Variants in ZSWIM6 observed in about 807,000 individuals in gnomAD.
The protein encoded by ZSWIM6 is zinc finger SWIM domain-containing protein 6.
ZSWIM6 carries 9 observed loss-of-function variants against 113.2 expected under a neutral mutation model. That is an observed-to-expected ratio of 0.08 (90% CI 0.05 to 0.14). The LOEUF is 0.14. Among genes scored for constraint, ZSWIM6 ranks in the 10% least tolerant of loss-of-function variants. The pLI is 1.00. For synonymous variants in ZSWIM6, 611 were observed against 606.5 expected (o/e 1.01, Z -0.11); for missense variants, 1,162 against 1,552.2 (o/e 0.75, Z 4.22).
chr5:61,527,820 T>C (rs1245414484), intron 7 of ZSWIM6, among the ~76,000 whole-genome samples: 1 of 152,206 alleles, frequency 6.6e-6, no homozygotes, highest in Non-Finnish European at 1.5e-5. Context: ...TGTTGACTTT[T>C]AAAATTTGTT....
chr5:61,535,463 G>A (rs1478659026), intron 9 of ZSWIM6, 21 bp from the exon 10 acceptor site: 2 of 1,550,622 alleles, frequency 1.3e-6, no homozygotes, highest in South Asian at 1.2e-5. Context: ...AACGTAAAAT[G>A]TGTATGCTCT....
In ZSWIM6 at chr5:61,516,245, CCT is replaced by C. The variant is rs920351942; in HGVS notation, c.1334-5011_1334-5010del. On this transcript the variant is annotated intron_variant, in intron 4 of 13. Coordinates refer to ENST00000252744, the MANE Select transcript of ZSWIM6 (RefSeq NM_020928.2). ...CCCCTCTGTTTCCATTCATCTCTTC[CCT>C]CTCTCTTTCTTTCTTTTGGATTATT... Among the ~76,000 whole-genome samples, 39 of 147,554 alleles carry C rather than the reference CCT, an allele frequency of 2.6e-4. 1 individual carries two copies. The highest frequency in any genetic ancestry group is 9.7e-4 in the African/African-American group (39 of 40,360).
At chr5:61,531,253 A>T (rs1749420947) in intron 8 of ZSWIM6, among the ~76,000 whole-genome samples, 1 of 152,196 alleles carries the variant, frequency 6.6e-6, no homozygotes, top group Non-Finnish European at 1.5e-5. Flanking sequence ...TTGTAATGTT[A>T]TATCCCCCAA....
chr5:61,523,469 TAGA>T (rs772096276), intron 5 of ZSWIM6, among the ~76,000 whole-genome samples: 8 of 152,086 alleles, frequency 5.3e-5, no homozygotes, highest in East Asian at 3.9e-4. Context: ...ATTTTTTTAG[TAGA>T]AGAACAAAAA....
intron 1 of ZSWIM6, among the ~76,000 whole-genome samples, chr5:61,422,878 G>A (rs1036370382): frequency 1.3e-5 from 2 of 152,050 alleles, no homozygotes; most frequent in Admixed American, 6.5e-5. Context: ...ATATAAAAAT[G>A]CTACTGATTT....
intron 1 of ZSWIM6, among the ~76,000 whole-genome samples, chr5:61,346,917 G>A (rs1438098063): frequency 6.6e-6 from 1 of 152,104 alleles, no homozygotes; most frequent in Non-Finnish European, 1.5e-5. Context: ...TTGTAGCAAA[G>A]TACTTTTATT....
intron 1 of ZSWIM6, among the ~76,000 whole-genome samples, chr5:61,441,831 T>C (rs1200488211): frequency 6.6e-6 from 1 of 152,196 alleles, no homozygotes; most frequent in East Asian, 1.9e-4. Context: ...CAGAGTCCGA[T>C]GAACTGCCAC....
chr5:61,390,661 C>G, intron 1 of ZSWIM6: 2 of 823,952 alleles, frequency 2.4e-6, no homozygotes, highest in Non-Finnish European at 4.2e-6. Flanking sequence ...AAAAACTGTT[C>G]CTGGCATTAA....
At chr5:61,383,084 GAC>G (rs1444874103) in intron 1 of ZSWIM6, among the ~76,000 whole-genome samples, 1 of 152,162 alleles carries the variant, frequency 6.6e-6, no homozygotes, top group African/African-American at 2.4e-5. Flanking sequence ...AAAAAGTCTG[GAC>G]ACACAGGGAA....
intron 1 of ZSWIM6, among the ~76,000 whole-genome samples, chr5:61,436,850 A>G (rs1746718612): frequency 6.6e-6 from 1 of 152,204 alleles, no homozygotes; most frequent in Admixed American, 6.5e-5. Flanking sequence ...CTGTCTTTCC[A>G]GGTTATAATG....
chr5:61,463,627 C>G (rs1747363198), intron 1 of ZSWIM6, among the ~76,000 whole-genome samples: 1 of 152,162 alleles, frequency 6.6e-6, no homozygotes, highest in Non-Finnish European at 1.5e-5. Context: ...TCTGGAGTAC[C>G]TCCTCCAAGA....
intron 2 of ZSWIM6, among the ~76,000 whole-genome samples, chr5:61,487,653 T>C (rs1748057067): frequency 6.6e-6 from 1 of 151,934 alleles, no homozygotes; most frequent in East Asian, 1.9e-4. Flanking sequence ...TTTTGGTACT[T>C]ACCGTAAGTA....
At chr5:61,334,529 T>C (rs1243421870) in intron 1 of ZSWIM6, among the ~76,000 whole-genome samples, 1 of 152,206 alleles carries the variant, frequency 6.6e-6, no homozygotes, top group Non-Finnish European at 1.5e-5. Context: ...GGTGGGGGTC[T>C]GGATAGGGTC....
chr5:61,480,016 G>A (rs1045078918), intron 2 of ZSWIM6, among the ~76,000 whole-genome samples: 1 of 152,064 alleles, frequency 6.6e-6, no homozygotes, highest in African/African-American at 2.4e-5. Context: ...GTTGGATTAT[G>A]TAATAGTAAG....
chr5:61,415,890 C>CA (rs1746242261), intron 1 of ZSWIM6, among the ~76,000 whole-genome samples: 1 of 151,930 alleles, frequency 6.6e-6, no homozygotes, highest in Admixed American at 6.6e-5. Context: ...ATGTTAAGGA[C>CA]AAAAAAGACT....
intron 4 of ZSWIM6, among the ~76,000 whole-genome samples, chr5:61,506,311 T>TG (rs1388028683): frequency 1.3e-5 from 2 of 152,062 alleles, no homozygotes; most frequent in African/African-American, 4.8e-5. Flanking sequence ...AGGCCAGGTG[T>TG]GGTGGCTCAC....
At chr5:61,455,638 G>A (rs1056695331) in intron 1 of ZSWIM6, among the ~76,000 whole-genome samples, 2 of 152,190 alleles carry the variant, frequency 1.3e-5, no homozygotes, top group Non-Finnish European at 2.9e-5. Flanking sequence ...GGAGCACTTG[G>A]CTAGCGGGGC....
chr5:61,360,488 A>C (rs1252087970), intron 1 of ZSWIM6, among the ~76,000 whole-genome samples: 1 of 152,180 alleles, frequency 6.6e-6, no homozygotes. Context: ...TCACATAGCT[A>C]TTATTTGGTA....
intron 1 of ZSWIM6, among the ~76,000 whole-genome samples, chr5:61,470,594 T>C (rs559614116): frequency 6.6e-6 from 1 of 152,324 alleles, no homozygotes; most frequent in East Asian, 1.9e-4. Context: ...GAATATATAC[T>C]ATGTACTCTT....
Sources: allele counts gnomAD v4.1 joint callset (sites outside exome capture counted in the v4.1 genomes callset), GRCh38; gene constraint gnomAD v4.1.1; transcripts MANE v1.5; gene names NCBI Gene and HGNC (gene_info 2026-07-23, HGNC 2026-07-21).